Variants in DCHS1 observed in about 807,000 individuals in gnomAD.
DCHS1 encodes protocadherin-16.
DCHS1 carries 78 observed loss-of-function variants against 213.9 expected under a neutral mutation model. The observed-to-expected ratio is 0.36, with a 90% CI of 0.30 to 0.44. The LOEUF (loss-of-function observed/expected upper bound fraction) is 0.44, where lower values mean the gene tolerates loss of function less well. Among genes scored for constraint, DCHS1 ranks in the 20% least tolerant of loss-of-function variants. DCHS1 has a pLI of 1.00. For missense variants in DCHS1, 3,946 were observed against 4,395.9 expected (o/e 0.90, Z 2.89); for synonymous variants, 1,828 against 1,873.7 (o/e 0.98, Z 0.63).
Position 6,632,001 on chromosome 11 carries a change from C to A in DCHS1, c.3481+30G>T, listed in dbSNP as rs2659870. On this transcript the variant is annotated intron_variant, in intron 6 of 20. Transcript: ENST00000299441. The surrounding 1 kb of genome is among the most constrained non-coding windows in gnomAD (Gnocchi z 5.9). ...TCACCAGGCTGGGGATAAGGCTATGCGGTCTCAGGATTTGGGTCTCTGTGC... is the reference window on the plus strand; with the variant it reads ...TCACCAGGCTGGGGATAAGGCTATGAGGTCTCAGGATTTGGGTCTCTGTGC... 2 of 1,493,448 alleles carry A rather than the reference C, an allele frequency of 1.3e-6. No individual in the cohort carries two copies. Among genetic ancestry groups the A allele is most frequent in the African/African-American group, 1.4e-5 (1 of 71,350 alleles). The allele number at this position is 1,493,448 out of a possible 1,614,324, so 92.5% of individuals were successfully genotyped here.
Position 6,641,305 on chromosome 11 carries a change from T to C in DCHS1, c.309A>G (p.Thr103=), listed in dbSNP as rs1457065107. 5 of 1,613,710 alleles carry C rather than the reference T, an allele frequency of 3.1e-6. No individual in the cohort carries two copies. The Admixed American group carries it at 5.0e-5, about 16-fold the overall frequency. ...GCTGCTCACGGTCCAAGACACGGGC[T>C]GTACGGACGACCCCACTGTGTTCGT... is the stretch of plus-strand genomic sequence containing the variant. The part of the protein sequence containing the change: ...AIDEHSGVVR[T]ARVLDREQRD... Residue 103 remains threonine (T), a synonymous_variant, in exon 2 of 21, where the codon ACA becomes ACG. Coordinates refer to ENST00000299441, the MANE Select transcript of DCHS1 (RefSeq NM_003737.4). This position sits in a 1 kb window ranked among gnomAD's most constrained non-coding sequence, Gnocchi z 7.1.
chr11:6,640,193 C>T lies in DCHS1; in HGVS notation c.1421G>A (p.Arg474His), dbSNP rs775163740. ...CAGGGGCTCAGGTCGGTAGAGCTGG[C>T]GGTCAAAGGCAGGTGCATTGTCGTT... The part of the protein sequence containing the change: ...DVNDNAPAFD[R>H]QLYRPEPLPE... The change falls in exon 2 of 21, where the codon CGC (arginine) becomes CAC (histidine). Residue 474 changes from arginine to histidine, a missense_variant. Around this residue, in one of 3 missense-constraint regions of DCHS1, gnomAD observed 3,384 missense variants for 3,780.1 expected, o/e 0.90. Coordinates refer to ENST00000299441, the MANE Select transcript of DCHS1 (RefSeq NM_003737.4). This position sits in a 1 kb window ranked among gnomAD's most constrained non-coding sequence, Gnocchi z 6.5. The T allele has an allele frequency of 2.7e-5, 44 of 1,613,418 alleles. No homozygotes were observed. The highest frequency in any genetic ancestry group is 5.3e-5 in the African/African-American group (4 of 74,932).
At position 6,638,897 on chromosome 11, in the gene DCHS1, C is replaced by T. The variant is rs1045779729; in HGVS notation, c.1797+920G>A. On this transcript the variant is annotated intron_variant, in intron 2 of 20. Coordinates refer to ENST00000299441, the MANE Select transcript of DCHS1 (RefSeq NM_003737.4). ...GCTCAAAGAAATTCAGTGATCTCCT[C>T]GAGGGCAGATCAAGACCATCCTGGC... 4.6e-5 allele frequency among the ~76,000 whole-genome samples: 7 copies of T among 152,180 alleles called. 1 individual carries two copies. In the East Asian group the frequency reaches 1.2e-3, roughly 25 times the overall value.
chr11:6,640,381 G>A lies in DCHS1; in HGVS notation c.1233C>T (p.His411=). The change falls in exon 2 of 21, where the codon CAC becomes CAT. Residue 411 remains histidine, a synonymous_variant. Transcript: ENST00000299441. This position sits in a 1 kb window ranked among gnomAD's most constrained non-coding sequence, Gnocchi z 6.5. ...VNVSLEGGEG[H]FALSTQDSVI... ...CGCTGTCTTGGGTGCTTAGGGCAAA[G>A]TGGCCCTCTCCACCTTCCAGGGACA... 4.3e-6 allele frequency: 7 copies of A among 1,613,792 alleles called. No individual in the cohort carries two copies. The highest frequency in any genetic ancestry group is 5.9e-6 in the Non-Finnish European group (7 of 1,179,758).
At chr11:6,624,519 C>T in intron 20 of DCHS1, 129 bp from the exon 21 acceptor site, 5 of 1,303,592 alleles carry the variant, frequency 3.8e-6, no homozygotes, top group South Asian at 3.0e-5. Flanking sequence ...TGCTGGGAGA[C>T]AAGGGGATGG....
In DCHS1 at chr11:6,633,939, A is replaced by G. The variant is rs779415290; in HGVS notation, c.2068T>C (p.Tyr690His). ...CTCTGGGCACTTATACTGGCAGCAT[A>G]CTCCCGTGGATAAAACTGAGGAGGG... ...DNPPQFYPRE[Y>H]AASISAQSPP... is the part of the protein sequence containing the mutation. Residue 690 changes from tyrosine (Y) to histidine (H), a missense_variant, in exon 4 of 21, where the codon TAT becomes CAT. By Grantham distance (83) the Tyr-to-His change is moderately conservative. Transcript: ENST00000299441. 6.2e-7 allele frequency: 1 copy of G among 1,613,880 alleles called. No individual in the cohort carries two copies. The highest frequency in any genetic ancestry group is 8.5e-7 in the Non-Finnish European group (1 of 1,179,876).
At chr11:6,647,628 C>T (rs556094291) in intron 1 of DCHS1, among the ~76,000 whole-genome samples, 2 of 152,292 alleles carry the variant, frequency 1.3e-5, no homozygotes, top group East Asian at 3.9e-4. Context: ...CCATAACAAC[C>T]CTGTGAGGAA....
chr11:6,630,941 A>G (rs781519847), intron 9 of DCHS1, 78 bp from the exon 10 acceptor site: 28 of 1,499,990 alleles, frequency 1.9e-5, no homozygotes, highest in Non-Finnish European at 2.5e-5. Context: ...CCCAGGTGGT[A>G]GGAAAGTGGT....
rs775505359 is a variant in DCHS1, at chr11:6,628,790, A to G, written c.5202T>C (p.His1734=). ...CCTCCACAGCCACTCGAACAGTGAC[A>G]TGCGTTAACTGAGGAGGTGAGCCCC... ...QDRGSPPQLT[H]VTVRVAVEDE... is the part of the protein sequence containing the mutation. The change falls in exon 13 of 21, where the codon CAT becomes CAC. Residue 1734 remains histidine, a synonymous_variant. Transcript: ENST00000299441. The surrounding 1 kb of genome is among the most constrained non-coding windows in gnomAD (Gnocchi z 4.3). 4 of 1,613,986 alleles carry G rather than the reference A, an allele frequency of 2.5e-6. No homozygotes were observed. In the Admixed American group the frequency reaches 6.7e-5, roughly 27 times the overall value.
In DCHS1 at chr11:6,639,980, T is replaced by A; in HGVS notation, c.1634A>T (p.Gln545Leu). Residue 545 changes from glutamine to leucine, a missense_variant, in exon 2 of 21, where the codon CAG (glutamine) becomes CTG (leucine). Gln to Leu is a moderately radical substitution (Grantham distance 113). This residue lies in a region of DCHS1 where 3,384 missense variants were observed against 3,780.1 expected (regional missense o/e 0.90). Coordinates refer to ENST00000299441, the MANE Select transcript of DCHS1 (RefSeq NM_003737.4). ...SLDYELEPQP[Q>L]LIVVATDGGL... ...ACCATCTGTGGCCACCACAATCAGC[T>A]GTGGCTGAGGTTCCAACTCATAGTC... is the stretch of plus-strand genomic sequence containing the variant. 1 of 1,614,008 alleles carries A rather than the reference T, an allele frequency of 6.2e-7. No homozygotes were observed.
chr11:6,640,156 C>T lies in DCHS1; in HGVS notation c.1458G>A (p.Ala486=), dbSNP rs150016516. ...LYRPEPLPEV[A]LPGSFVVRVT... ...CCCGCACTACAAAGCTGCCAGGCAG[C>T]GCAACCTCAGGCAGGGGCTCAGGTC... Residue 486 remains alanine, a synonymous_variant, in exon 2 of 21, where the codon GCG becomes GCA. Coordinates refer to ENST00000299441, the MANE Select transcript of DCHS1 (RefSeq NM_003737.4). The surrounding 1 kb of genome is among the most constrained non-coding windows in gnomAD (Gnocchi z 6.5). The T allele has an allele frequency of 2.6e-5, 42 of 1,613,662 alleles. No homozygotes were observed. In the African/African-American group the frequency reaches 3.5e-4, roughly 13 times the overall value.
intron 20 of DCHS1, 78 bp downstream of exon 20, chr11:6,624,652 G>A: frequency 1.3e-6 from 2 of 1,588,220 alleles, no homozygotes; most frequent in East Asian, 4.5e-5. Context: ...AAGAGTTTGA[G>A]TAACAAATTC....
At position 6,624,053 on chromosome 11, in the gene DCHS1, C is replaced by T. The variant is rs111242710; in HGVS notation, c.7623G>A (p.Gly2541=). 30 of 1,613,270 alleles carry T rather than the reference C, an allele frequency of 1.9e-5. No individual in the cohort carries two copies. The highest frequency in any genetic ancestry group is 1.6e-4 in the Middle Eastern group (1 of 6,084). ...CCCGGGGGCCTGGTCCAGCACTCTC[C>T]CCAGCCTCAGCCAGCCTGGGTTCCA... ...FQLEPRLAEA[G]ESAGPGPRAL... The change falls in exon 21 of 21, where the codon GGG becomes GGA. Residue 2541 remains glycine, a synonymous_variant. Transcript: ENST00000299441.
Position 6,622,543 on chromosome 11 carries a change from GGA to G in DCHS1, c.9131_9132del (p.Ile3044ThrfsTer5). 1 of 1,581,298 alleles carries G rather than the reference GGA, an allele frequency of 6.3e-7. No individual in the cohort carries two copies. Among genetic ancestry groups the G allele is most frequent in the Non-Finnish European group, 8.6e-7 (1 of 1,164,350 alleles). ...ACACGGGGGAACTCATTGATCATGC[GGA>G]TCTCATCATCCTCTGCAGCCTCTGC... ...GSAEAAEDDE[I>X]RMINEFPRVA... On this transcript the variant is annotated frameshift_variant, in exon 21 of 21. Coordinates refer to ENST00000299441, the MANE Select transcript of DCHS1 (RefSeq NM_003737.4). LOFTEE classifies it high-confidence loss of function. This position sits in a 1 kb window ranked among gnomAD's most constrained non-coding sequence, Gnocchi z 5.4.
At chr11:6,648,599 C>A (rs564707324) in intron 1 of DCHS1, among the ~76,000 whole-genome samples, 111 of 152,316 alleles carry the variant, frequency 7.3e-4, no homozygotes, top group Non-Finnish European at 1.4e-3. Context: ...ATGCTTACTA[C>A]ACCCCTAGAA....
In DCHS1 at chr11:6,641,352, C is replaced by A; in HGVS notation, c.262G>T (p.Val88Leu). ...TCGTCAATGGCCAGGTCTGTGCCCA[C>A]GCCGCTGCCCTCTTGGGCAGAGATG... ...YFISAQEGSG[V>L]GTDLAIDEHS... The change falls in exon 2 of 21, where the codon GTG becomes TTG. Residue 88 changes from valine to leucine, a missense_variant. By Grantham distance (32) the Val-to-Leu change is conservative. Transcript: ENST00000299441. This position sits in a 1 kb window ranked among gnomAD's most constrained non-coding sequence, Gnocchi z 7.1. 4 of 1,613,564 alleles carry A rather than the reference C, an allele frequency of 2.5e-6. No individual in the cohort carries two copies. Among genetic ancestry groups the A allele is most frequent in the Non-Finnish European group, 3.4e-6 (4 of 1,179,892 alleles).
intron 1 of DCHS1, among the ~76,000 whole-genome samples, chr11:6,648,210 G>A (rs1304354176): frequency 6.6e-6 from 1 of 152,214 alleles, no homozygotes; most frequent in Non-Finnish European, 1.5e-5. Context: ...ACTGAAAGCT[G>A]TGGCCTTAGA....
Position 6,629,570 on chromosome 11 carries a change from G to C in DCHS1, c.5043C>G (p.Asn1681Lys), listed in dbSNP as rs762274197. Residue 1681 changes from asparagine to lysine, a missense_variant, in exon 12 of 21, where the codon AAC becomes AAG. Around this residue, in one of 3 missense-constraint regions of DCHS1, gnomAD observed 3,384 missense variants for 3,780.1 expected, o/e 0.90. Transcript: ENST00000299441. ...LRATDPDVGA[N>K]GQVTYGGVSS... ...AGACGCCTCCATAAGTCACTTGCCC[G>C]TTGGCCCCTGAGGAGGGGCAGCATG... The C allele has an allele frequency of 8.1e-6, 13 of 1,613,570 alleles. No individual in the cohort carries two copies. The highest frequency in any genetic ancestry group is 6.7e-5 in the Admixed American group (4 of 59,956).
rs1383647453 is a variant in DCHS1, at chr11:6,625,176, G to A, written c.7146+22C>T. The A allele has an allele frequency of 6.4e-7, 1 of 1,560,136 alleles. No homozygotes were observed. The highest frequency in any genetic ancestry group is 8.7e-7 in the Non-Finnish European group (1 of 1,152,130). ...AGGAACAACCCAGGCCCAGGTGTAG[G>A]TGGATCCATGGGTGTCAATACCTGG... On this transcript the variant is annotated intron_variant, in intron 19 of 20. Transcript: ENST00000299441. The surrounding 1 kb of genome is among the most constrained non-coding windows in gnomAD (Gnocchi z 5.3).
Sources: allele counts gnomAD v4.1 joint callset (sites outside exome capture counted in the v4.1 genomes callset), GRCh38; gene constraint gnomAD v4.1.1; regional missense constraint gnomAD v4.1.1; non-coding constraint Gnocchi (gnomAD v3.1); transcripts MANE v1.5; gene names NCBI Gene and HGNC (gene_info 2026-07-23, HGNC 2026-07-21).